Variants in FER1L6 observed in about 807,000 individuals in gnomAD.
The protein encoded by FER1L6 is fer-1 like family member 6.
A neutral mutation model predicts 219.2 loss-of-function variants in FER1L6; 177 were observed. The ratio of observed to expected loss-of-function variants is 0.81; its 90% CI spans 0.71 to 0.91. The LOEUF (loss-of-function observed/expected upper bound fraction) is 0.91. Among genes scored for constraint, FER1L6 ranks in the 40% least tolerant of loss-of-function variants. The pLI, the probability that FER1L6 is intolerant of heterozygous loss-of-function variation, is 0.00. For synonymous variants in FER1L6, 768 were observed against 824.3 expected (o/e 0.93, Z 1.17); for missense variants, 2,153 against 2,259.9 (o/e 0.95, Z 0.96).
intron 34 of FER1L6, among the ~76,000 whole-genome samples, chr8:124,092,751 G>A (rs757837536): frequency 2.0e-5 from 3 of 152,128 alleles, no homozygotes; most frequent in Non-Finnish European, 4.4e-5. Context: ...TTCTGGGGAG[G>A]CCTCAGGAAA....
chr8:123,935,225 A>G (rs1813939562), intron 1 of FER1L6, among the ~76,000 whole-genome samples: 1 of 151,956 alleles, frequency 6.6e-6, no homozygotes, highest in East Asian at 1.9e-4. Context: ...GTATGAGCTT[A>G]TGGATTATCT....
intron 13 of FER1L6, 78 bp downstream of exon 13, chr8:124,003,425 A>G (rs1366681569): frequency 9.8e-6 from 5 of 509,004 alleles, no homozygotes; most frequent in Non-Finnish European, 1.3e-5. Context: ...TGTTTTCTTC[A>G]GTTCTTCACT....
chr8:124,048,237 G>A (rs1023402506), intron 21 of FER1L6, among the ~76,000 whole-genome samples: 2 of 152,226 alleles, frequency 1.3e-5, no homozygotes, highest in Non-Finnish European at 2.9e-5. Flanking sequence ...ATGAAGCAGT[G>A]TGACTGCTAA....
At chr8:123,916,155 C>T (rs1031432111) in intron 1 of FER1L6, among the ~76,000 whole-genome samples, 3 of 152,174 alleles carry the variant, frequency 2.0e-5, no homozygotes, top group African/African-American at 7.2e-5. Flanking sequence ...TAGAAGTAAA[C>T]TCTCCCTCTT....
intron 12 of FER1L6, among the ~76,000 whole-genome samples, chr8:123,997,534 A>C (rs1817187730): frequency 6.6e-6 from 1 of 152,116 alleles, no homozygotes; most frequent in Non-Finnish European, 1.5e-5. Flanking sequence ...TTGTACTTGA[A>C]TATTGAAATC....
intron 18 of FER1L6, among the ~76,000 whole-genome samples, chr8:124,024,636 T>C (rs1469276552): frequency 6.6e-6 from 1 of 152,232 alleles, no homozygotes; most frequent in African/African-American, 2.4e-5. Context: ...TGATTCCATA[T>C]CTTTGCAATT....
chr8:124,030,571 G>A (rs752605892), intron 18 of FER1L6, among the ~76,000 whole-genome samples: 7 of 151,948 alleles, frequency 4.6e-5, no homozygotes, highest in Non-Finnish European at 1.0e-4. Flanking sequence ...AGAGGGTGGC[G>A]CTCAACCTTC....
In FER1L6 at chr8:123,966,294, A is replaced by G; in HGVS notation, c.384+4A>G. 1.2e-6 allele frequency: 2 copies of G among 1,614,102 alleles called. No individual in the cohort carries two copies. The highest frequency in any genetic ancestry group is 2.2e-5 in the South Asian group (2 of 91,078). Reference sequence around the variant, plus strand: ...CAACAGCCCATTTTATAATGAAGTAAGTCATGGAGGTCACCCACAGCTTTT... The same window carrying G: ...CAACAGCCCATTTTATAATGAAGTAGGTCATGGAGGTCACCCACAGCTTTT... On this transcript the variant is annotated splice_donor_region_variant and intron_variant, in intron 5 of 40. Transcript: ENST00000522917.
intron 27 of FER1L6, 127 bp downstream of exon 27, chr8:124,066,677 C>T (rs1820844157): frequency 9.6e-7 from 1 of 1,043,860 alleles, no homozygotes; most frequent in African/African-American, 1.6e-5. Flanking sequence ...AGGTGTGGTT[C>T]TGTTAACTGC....
intron 12 of FER1L6, among the ~76,000 whole-genome samples, chr8:123,996,165 G>A (rs934538560): frequency 6.6e-6 from 1 of 152,182 alleles, no homozygotes; most frequent in Admixed American, 6.5e-5. Flanking sequence ...TATCTATTAT[G>A]TCCATTTGTT....
rs775395369 is a variant in FER1L6 at position 123,977,626 on chromosome 8, C to G, written c.1063+17C>G. 1.2e-6 allele frequency: 2 copies of G among 1,611,036 alleles called. No individual in the cohort carries two copies. The highest frequency in any genetic ancestry group is 2.2e-5 in the South Asian group (2 of 90,808). Reference sequence around the variant, plus strand: ...GAGACAAAGGTAAAGTCCCATCCATCTGACTTGAAAAATGTCTCAAAATGC... The same window carrying G: ...GAGACAAAGGTAAAGTCCCATCCATGTGACTTGAAAAATGTCTCAAAATGC... On this transcript the variant is annotated intron_variant, in intron 10 of 40. Coordinates refer to ENST00000522917, the MANE Select transcript of FER1L6 (RefSeq NM_001039112.2).
chr8:123,911,384 T>A (rs1204211285), intron 1 of FER1L6, among the ~76,000 whole-genome samples: 2 of 152,208 alleles, frequency 1.3e-5, no homozygotes, highest in Non-Finnish European at 2.9e-5. Flanking sequence ...TAACTGCAGC[T>A]ACCACTTAGC....
At chr8:124,098,768 G>A (rs951064857) in intron 37 of FER1L6, among the ~76,000 whole-genome samples, 3 of 152,120 alleles carry the variant, frequency 2.0e-5, no homozygotes, top group Admixed American at 1.3e-4. Flanking sequence ...AGTTCGGGTT[G>A]AGACTTCCAG....
Position 123,976,095 on chromosome 8 carries a change from A to G in FER1L6, c.870+11A>G, listed in dbSNP as rs1236838141. ...TTTGCTGGGCAGATGGTGAGGAACCATTGTCACTAACACTGCCTGCTAGGC... is the reference window on the plus strand; with the variant it reads ...TTTGCTGGGCAGATGGTGAGGAACCGTTGTCACTAACACTGCCTGCTAGGC... On this transcript the variant is annotated intron_variant, in intron 9 of 40. Coordinates refer to ENST00000522917, the MANE Select transcript of FER1L6 (RefSeq NM_001039112.2). The G allele has an allele frequency of 1.2e-6, 2 of 1,601,020 alleles. No individual in the cohort carries two copies. Among genetic ancestry groups the G allele is most frequent in the African/African-American group, 1.3e-5 (1 of 74,656 alleles).
At chr8:124,022,116 T>C (rs1818483881) in intron 17 of FER1L6, among the ~76,000 whole-genome samples, 1 of 152,236 alleles carries the variant, frequency 6.6e-6, no homozygotes, top group South Asian at 2.1e-4. Context: ...TTCTTGAAGC[T>C]TGCAAATGTG....
intron 18 of FER1L6, among the ~76,000 whole-genome samples, chr8:124,026,851 C>A (rs1382426804): frequency 2.6e-5 from 4 of 152,122 alleles, no homozygotes; most frequent in Non-Finnish European, 4.4e-5. Flanking sequence ...GCTACTGTAA[C>A]AAAGTAGCAT....
chr8:124,047,707 GAA>G (rs1819800662), intron 21 of FER1L6: 1 of 152,170 alleles, frequency 6.6e-6, no homozygotes, highest in Non-Finnish European at 1.5e-5. Flanking sequence ...AAGGGAAAAA[GAA>G]ATGTGGGAGA....
intron 3 of FER1L6, among the ~76,000 whole-genome samples, chr8:123,965,299 T>C (rs1815487100): frequency 6.6e-6 from 1 of 152,224 alleles, no homozygotes; most frequent in African/African-American, 2.4e-5. Flanking sequence ...AAATGCAACA[T>C]GGTATTGTTA....
At chr8:123,938,026 G>A (rs1343973243) in intron 1 of FER1L6, among the ~76,000 whole-genome samples, 1 of 152,192 alleles carries the variant, frequency 6.6e-6, no homozygotes, top group African/African-American at 2.4e-5. Context: ...AATGACACCT[G>A]ATCAGTGAAG....
Sources: gnomAD v4.1 joint callset for allele counts (sites outside exome capture counted in the v4.1 genomes callset) on GRCh38, gnomAD v4.1.1 for gene constraint, MANE v1.5 for transcripts, NCBI Gene and HGNC (gene_info 2026-07-23, HGNC 2026-07-21) for gene names.